MYO19: variants seen among roughly 807,000 people sequenced by gnomAD.
MYO19 encodes unconventional myosin-XIX.
Under a neutral mutation model 129.2 loss-of-function variants are expected in MYO19, and 132 were observed. That is an observed-to-expected ratio of 1.02 (90% CI 0.89 to 1.18). MYO19 has a LOEUF of 1.18. Ranked by LOEUF, MYO19 falls within the 50% of genes most tolerant of loss-of-function variation. The pLI is 0.00. For missense variants in MYO19, 1,210 were observed against 1,216.7 expected (o/e 0.99, Z 0.08); for synonymous variants, 531 against 477.2 (o/e 1.11, Z -1.47).
At chr17:36,511,510 T>C in intron 11 of MYO19, 55 bp from the exon 12 acceptor site, 4 of 1,479,442 alleles carry the variant, frequency 2.7e-6, no homozygotes, top group Non-Finnish European at 3.7e-6. Context: ...GTGGGCCTAC[T>C]CTGGGAAGGG....
intron 5 of MYO19, among the ~76,000 whole-genome samples, chr17:36,526,685 G>C (rs536572682): frequency 6.6e-6 from 1 of 152,148 alleles, no homozygotes; most frequent in South Asian, 2.1e-4. Flanking sequence ...TCAGGAGTTC[G>C]AGACCAGCCT....
chr17:36,499,656 T>TTTTC (rs1567728992), intron 23 of MYO19: 2 of 142,548 alleles, frequency 1.4e-5, no homozygotes, highest in African/African-American at 5.9e-5. Context: ...TTCTTTTTCT[T>TTTTC]TTTGTTTCTT....
chr17:36,523,606 G>GC (rs2073280407), intron 6 of MYO19, among the ~76,000 whole-genome samples: 1 of 152,094 alleles, frequency 6.6e-6, no homozygotes, highest in Non-Finnish European at 1.5e-5. Flanking sequence ...TAAAAATTAT[G>GC]CAAGAATATA....
intron 6 of MYO19, among the ~76,000 whole-genome samples, chr17:36,518,534 A>ATATATATATG (rs1376932308): frequency 1.1e-5 from 1 of 91,470 alleles, no homozygotes; most frequent in African/African-American, 4.3e-5. Flanking sequence ...AAAAATATAT[A>ATATATATATG]TATATATATA....
chr17:36,537,835 T>C (rs758046965), upstream of MYO19: 2 of 1,614,056 alleles, frequency 1.2e-6, no homozygotes, highest in Non-Finnish European at 1.7e-6. Flanking sequence ...ATAATAGTTG[T>C]GAAATTGATA....
chr17:36,541,636 G>A (rs1420461469), intron 2 of MYO19, among the ~76,000 whole-genome samples: 2 of 152,152 alleles, frequency 1.3e-5, no homozygotes, highest in African/African-American at 2.4e-5. Context: ...TTCTGCTGTT[G>A]ATTGCCTTTA....
At chr17:36,541,476 A>G (rs193202970) in intron 2 of MYO19, among the ~76,000 whole-genome samples, 87 of 152,302 alleles carry the variant, frequency 5.7e-4, no homozygotes, top group African/African-American at 1.9e-3. Flanking sequence ...AAACCTAGGT[A>G]GCCTGGAGAA....
intron 15 of MYO19, 142 bp downstream of exon 15, chr17:36,507,661 T>A: frequency 8.1e-7 from 1 of 1,227,180 alleles, no homozygotes; most frequent in Non-Finnish European, 1.1e-6. Flanking sequence ...GTACTCCATA[T>A]GTGCAATTAT....
chr17:36,536,420 A>G (rs2142601139), upstream of MYO19, among the ~76,000 whole-genome samples: 1 of 152,220 alleles, frequency 6.6e-6, no homozygotes, highest in South Asian at 2.1e-4. Flanking sequence ...AAGAATCTTC[A>G]TGATACGTAC....
At chr17:36,538,552 T>TA, upstream of MYO19, 1 of 1,613,868 alleles carries the variant, frequency 6.2e-7, no homozygotes, top group Middle Eastern at 1.6e-4. Context: ...AATCTCTATA[T>TA]GTTTTCCAAC....
chr17:36,502,430 C>T (rs2071598001), intron 21 of MYO19, among the ~76,000 whole-genome samples: 2 of 152,146 alleles, frequency 1.3e-5, no homozygotes, highest in African/African-American at 4.8e-5. Flanking sequence ...TTTCCTCTCC[C>T]TCTACATCTA....
At chr17:36,533,612 GA>G in intron 2 of MYO19, 1 of 152,386 alleles carries the variant, frequency 6.6e-6, no homozygotes, top group Non-Finnish European at 1.5e-5. Context: ...ATAGAAGCTG[GA>G]AAAAGGACAA....
chr17:36,515,200 G>A lies in MYO19; in HGVS notation c.548-18C>T. 6.2e-7 allele frequency: 1 copy of A among 1,609,002 alleles called. No homozygotes were observed. The highest frequency in any genetic ancestry group is 8.5e-7 in the Non-Finnish European group (1 of 1,177,198). On this transcript the variant is annotated intron_variant, in intron 7 of 25. Transcript: ENST00000614623. ...CGCATTCCCTACAGATCACACCTAT[G>A]TTTATTTCACTCCCCTGGGTTTGCA...
intron 12 of MYO19, 179 bp downstream of exon 12, chr17:36,511,186 G>A (rs984689081): frequency 8.7e-6 from 6 of 693,500 alleles, no homozygotes; most frequent in South Asian, 1.9e-5. Flanking sequence ...AGATGGGGAC[G>A]ATACTGTCTG....
In MYO19 at chr17:36,532,624, G is replaced by C; in HGVS notation, c.-86C>G. 2 of 1,486,192 alleles carry C rather than the reference G, an allele frequency of 1.3e-6. No homozygotes were observed. Among genetic ancestry groups the C allele is most frequent in the Non-Finnish European group, 1.8e-6 (2 of 1,087,916 alleles). The allele number at this position is 1,486,192 out of a possible 1,614,324, so 92.1% of individuals were successfully genotyped here. ...CCTAGTCATGGGACCATGGGCTGGG[G>C]TATGGTTCCAACAAAGGGCTCAGTT... On this transcript the variant is annotated 5_prime_UTR_variant, in exon 3 of 26. Coordinates refer to ENST00000614623, the MANE Select transcript of MYO19 (RefSeq NM_001163735.2).
chr17:36,503,901 GC>G, intron 20 of MYO19, 48 bp downstream of exon 20: 1 of 1,436,848 alleles, frequency 7.0e-7, no homozygotes. Flanking sequence ...AGAGTCCTGA[GC>G]CCCACTCTGT....
At chr17:36,541,113 G>A (rs767921972) in intron 2 of MYO19, among the ~76,000 whole-genome samples, 9 of 151,798 alleles carry the variant, frequency 5.9e-5, no homozygotes, top group Non-Finnish European at 1.2e-4. Flanking sequence ...ACACCCGGCT[G>A]ATTTTTTGTA....
intron 6 of MYO19, among the ~76,000 whole-genome samples, chr17:36,516,528 G>C (rs1349365626): frequency 6.6e-6 from 1 of 152,030 alleles, no homozygotes; most frequent in Admixed American, 6.5e-5. Context: ...ACGCCACCAC[G>C]CCTGGCTAAT....
upstream of MYO19, among the ~76,000 whole-genome samples, chr17:36,539,641 A>G (rs148315900): frequency 1.3e-3 from 197 of 152,204 alleles, no homozygotes; most frequent in Admixed American, 2.5e-3. Context: ...ATGTTATATT[A>G]TAGCTTATAC....
Sources: gnomAD v4.1 joint callset for allele counts (sites outside exome capture counted in the v4.1 genomes callset) on GRCh38, gnomAD v4.1.1 for gene constraint, MANE v1.5 for transcripts, NCBI Gene and HGNC (gene_info 2026-07-23, HGNC 2026-07-21) for gene names.